The following LOC101059915 variants were observed in gnomAD, a reference collection of about 807,000 sequenced individuals.
chrX:71,670,699 T>C, the LOC101059915 span: 1 of 1,111,601 alleles, frequency 9.0e-7, no homozygotes. Flanking sequence ...GACAGCGGTG[T>C]CGTTCTGCAG....
chrX:71,668,018 A>G, the LOC101059915 span: 28 of 1,165,997 alleles, frequency 2.4e-5, no homozygotes, highest in Non-Finnish European at 3.0e-5. Flanking sequence ...TCTGAGAGCG[A>G]ATTGATAGAG....
the LOC101059915 span, chrX:71,667,680 C>A: frequency 1.4e-6 from 1 of 727,164 alleles, no homozygotes; most frequent in Non-Finnish European, 1.8e-6. Flanking sequence ...TGTATCAATT[C>A]GCTCTCAGGC....
the LOC101059915 span, chrX:71,669,815 C>G: frequency 1.2e-6 from 1 of 800,669 alleles, no homozygotes; most frequent in Non-Finnish European, 1.6e-6. Flanking sequence ...CCCAGGCTTC[C>G]CTGCCCACCC....
chrX:71,669,685 C>T, the LOC101059915 span: 36 of 970,971 alleles, frequency 3.7e-5, no homozygotes, highest in East Asian at 2.9e-4. Flanking sequence ...TACCTTGAGA[C>T]GCCTGGTGCC....
chrX:71,671,310 T>C, the LOC101059915 span: 1 of 1,087,663 alleles, frequency 9.2e-7, no homozygotes, highest in Non-Finnish European at 1.2e-6. Context: ...GGCTGTGGGC[T>C]CACCCTGGCT....
chrX:71,667,813 A>T, the LOC101059915 span: 1 of 1,055,012 alleles, frequency 9.5e-7, no homozygotes, highest in South Asian at 2.7e-5. Flanking sequence ...CATGAGCTCC[A>T]CGGATGAAGT....
the LOC101059915 span, chrX:71,667,924 C>T: frequency 8.8e-7 from 1 of 1,141,232 alleles, no homozygotes; most frequent in Non-Finnish European, 1.2e-6. Flanking sequence ...CGGCCGAGAC[C>T]TCAATTTTGG....
the LOC101059915 span, chrX:71,668,460 G>A: frequency 8.6e-7 from 1 of 1,159,792 alleles, no homozygotes; most frequent in Admixed American, 2.7e-5. Context: ...ACTTACCGGT[G>A]ATTAGGGTGA....
At chrX:71,670,314 G>T in the LOC101059915 span, 2 of 1,163,774 alleles carry the variant, frequency 1.7e-6, no homozygotes, top group Non-Finnish European at 2.3e-6. Context: ...GCAGCCCCCG[G>T]GAGCCCAGGG....
At chrX:71,667,611 G>A in the LOC101059915 span, 1 of 313,503 alleles carries the variant, frequency 3.2e-6, no homozygotes, top group African/African-American at 2.7e-5. Context: ...TGTGGTGAGG[G>A]TGGCGGTGTC....
At chrX:71,668,428 G>C in the LOC101059915 span, 1 of 1,162,271 alleles carries the variant, frequency 8.6e-7, no homozygotes, top group Non-Finnish European at 1.1e-6. Context: ...TGACGACTCT[G>C]ATTCCGCAGA....
the LOC101059915 span, chrX:71,667,601 T>G: frequency 3.4e-6 from 1 of 296,108 alleles, no homozygotes; most frequent in Non-Finnish European, 5.7e-6. Flanking sequence ...GTGAGCAGAC[T>G]GTGGTGAGGG....
At chrX:71,667,638 T>A in the LOC101059915 span, 1 of 417,620 alleles carries the variant, frequency 2.4e-6, no homozygotes, top group Non-Finnish European at 3.5e-6. Context: ...GCCTTGCTGT[T>A]CCTGTGGCCC....
chrX:71,671,390 C>G, the LOC101059915 span: 7 of 649,134 alleles, frequency 1.1e-5, no homozygotes, highest in Non-Finnish European at 1.4e-5. Flanking sequence ...TGAGCAGCTG[C>G]TACCTTTGGA....
the LOC101059915 span, chrX:71,668,702 T>C: frequency 9.4e-7 from 1 of 1,067,743 alleles, no homozygotes. Context: ...AAGAGGGGGG[T>C]CAGGCCCAGC....
chrX:71,668,894 T>C, the LOC101059915 span: 2 of 1,113,355 alleles, frequency 1.8e-6, no homozygotes, highest in Non-Finnish European at 2.4e-6. Flanking sequence ...GTGTCTGGCG[T>C]GGGGCTCCTG....
the LOC101059915 span, chrX:71,668,505 C>T: frequency 3.5e-6 from 4 of 1,149,489 alleles, no homozygotes; most frequent in Admixed American, 2.8e-5. Context: ...AGGCCAAGCC[C>T]GGAAGCCCCA....
chrX:71,670,063 G>A, the LOC101059915 span, among the ~76,000 whole-genome samples: 1 of 112,511 alleles, frequency 8.9e-6, no homozygotes. Flanking sequence ...GAGTCACAAT[G>A]CTAGGGGGCC....
At chrX:71,668,173 C>G in the LOC101059915 span, 1 of 1,127,986 alleles carries the variant, frequency 8.9e-7, no homozygotes, top group Non-Finnish European at 1.2e-6. Flanking sequence ...ACACCCGTCC[C>G]CAGAAGGCGC....
Sources: allele counts gnomAD v4.1 joint callset (sites outside exome capture counted in the v4.1 genomes callset), GRCh38; gene constraint gnomAD v4.1.1; transcripts MANE v1.5.